The following DLG2 variants were observed in gnomAD, a reference collection of about 807,000 sequenced individuals.
DLG2 encodes disks large homolog 2.
Under a neutral mutation model 132.5 loss-of-function variants are expected in DLG2, and 45 were observed. The ratio of observed to expected loss-of-function variants is 0.34; its 90% CI spans 0.27 to 0.44. DLG2 has a LOEUF of 0.44. Among genes scored for constraint, DLG2 ranks in the 20% least tolerant of loss-of-function variants. The pLI, the probability that DLG2 is intolerant of heterozygous loss-of-function variation, is 1.00. For synonymous variants in DLG2, 424 were observed against 419.6 expected (o/e 1.01, Z -0.13); for missense variants, 1,045 against 1,196.9 (o/e 0.87, Z 1.87).
intron 4 of DLG2, among the ~76,000 whole-genome samples, chr11:85,248,328 G>A (rs1379885573): frequency 6.6e-6 from 1 of 151,924 alleles, no homozygotes; most frequent in Non-Finnish European, 1.5e-5. Flanking sequence ...CTTGTAAAAA[G>A]CATTGAGATC....
chr11:85,421,977 T>C (rs1417081945), intron 3 of DLG2, among the ~76,000 whole-genome samples: 1 of 152,198 alleles, frequency 6.6e-6, no homozygotes, highest in East Asian at 1.9e-4. Flanking sequence ...AATTTTTGGC[T>C]GATTATTGTT....
At chr11:84,011,322 C>T (rs982733370) in intron 11 of DLG2, among the ~76,000 whole-genome samples, 1 of 151,654 alleles carries the variant, frequency 6.6e-6, no homozygotes, top group African/African-American at 2.4e-5. Context: ...AATACAAAAA[C>T]TAGCCAGGTG....
chr11:85,315,944 G>T (rs973644503), intron 3 of DLG2, among the ~76,000 whole-genome samples: 1 of 151,976 alleles, frequency 6.6e-6, no homozygotes, highest in African/African-American at 2.4e-5. Flanking sequence ...CAGGGTGAAA[G>T]GTTCTCCCTC....
At chr11:84,430,331 C>G (rs984380518) in intron 7 of DLG2, among the ~76,000 whole-genome samples, 5 of 151,116 alleles carry the variant, frequency 3.3e-5, no homozygotes, top group African/African-American at 1.2e-4. Context: ...CCCAGCTACT[C>G]AGGAGGCTGA....
intron 16 of DLG2, among the ~76,000 whole-genome samples, chr11:83,848,178 T>C (rs183891541): frequency 6.6e-6 from 1 of 150,728 alleles, no homozygotes; most frequent in East Asian, 1.9e-4. Flanking sequence ...TATCTTACAG[T>C]AAATTAATTG....
intron 10 of DLG2, among the ~76,000 whole-genome samples, chr11:84,089,810 A>G (rs1594999475): frequency 6.6e-6 from 1 of 152,196 alleles, no homozygotes; most frequent in East Asian, 1.9e-4. Context: ...ACTTGTCAGG[A>G]AATTGGCAAG....
chr11:84,525,566 A>G (rs1437527535), intron 7 of DLG2, among the ~76,000 whole-genome samples: 1 of 151,950 alleles, frequency 6.6e-6, no homozygotes, highest in Non-Finnish European at 1.5e-5. Flanking sequence ...TATCTTTTAC[A>G]TTTCACCTGA....
chr11:84,828,623 C>A (rs1407733741), intron 6 of DLG2, among the ~76,000 whole-genome samples: 1 of 151,668 alleles, frequency 6.6e-6, no homozygotes, highest in Non-Finnish European at 1.5e-5. Flanking sequence ...GCCAGTGAAG[C>A]CAAAAGAATT....
chr11:83,792,913 T>C (rs1044774050), intron 17 of DLG2, among the ~76,000 whole-genome samples: 1 of 152,124 alleles, frequency 6.6e-6, no homozygotes, highest in African/African-American at 2.4e-5. Context: ...ACAAATAATA[T>C]ACGATTTTCA....
intron 7 of DLG2, among the ~76,000 whole-genome samples, chr11:84,435,021 G>C (rs116989117): frequency 6.6e-6 from 1 of 150,746 alleles, no homozygotes; most frequent in Non-Finnish European, 1.5e-5. Flanking sequence ...GCTAAAATAT[G>C]ATCTTTCACA....
At chr11:85,212,556 A>T (rs1272680249) in intron 4 of DLG2, among the ~76,000 whole-genome samples, 1 of 152,106 alleles carries the variant, frequency 6.6e-6, no homozygotes, top group Non-Finnish European at 1.5e-5. Context: ...GACCAACAAA[A>T]TCTCTAGTTG....
At chr11:85,479,419 A>C (rs191325836) in intron 3 of DLG2, among the ~76,000 whole-genome samples, 196 of 152,358 alleles carry the variant, frequency 1.3e-3, no homozygotes, top group African/African-American at 4.5e-3. Context: ...TATCACCTCC[A>C]AAAGGCCTCC....
chr11:83,844,509 C>G (rs1471977539), intron 16 of DLG2, among the ~76,000 whole-genome samples: 1 of 117,552 alleles, frequency 8.5e-6, no homozygotes, highest in Admixed American at 1.1e-4. Flanking sequence ...GATCGCATCA[C>G]TGCACTTTAG....
intron 6 of DLG2, among the ~76,000 whole-genome samples, chr11:84,833,531 A>T (rs2079309712): frequency 6.6e-6 from 1 of 151,498 alleles, no homozygotes; most frequent in East Asian, 2.0e-4. Context: ...TCACATTGAC[A>T]TCATCAACTC....
At chr11:85,101,439 A>T (rs2070835526) in intron 6 of DLG2, among the ~76,000 whole-genome samples, 1 of 152,158 alleles carries the variant, frequency 6.6e-6, no homozygotes, top group East Asian at 1.9e-4. Context: ...GTACACTTCA[A>T]TGCCATTTTT....
At chr11:83,562,108 C>T (rs796138345) in intron 19 of DLG2, among the ~76,000 whole-genome samples, 11 of 151,524 alleles carry the variant, frequency 7.3e-5, no homozygotes, top group African/African-American at 2.2e-4. Flanking sequence ...AGGTTGGTGT[C>T]GATCTCTTGA....
At chr11:85,184,478 A>G (rs545450515) in intron 4 of DLG2, among the ~76,000 whole-genome samples, 21 of 151,812 alleles carry the variant, frequency 1.4e-4, no homozygotes, top group African/African-American at 4.6e-4. Context: ...CAGTAATGGC[A>G]GCTTTTGGTG....
intron 6 of DLG2, among the ~76,000 whole-genome samples, chr11:84,734,167 C>T: frequency 6.6e-6 from 1 of 152,096 alleles, no homozygotes; most frequent in African/African-American, 2.4e-5. Context: ...TTTTCCAATT[C>T]TGTGAAGAAA....
At chr11:83,473,207 C>A (rs946089967) in intron 22 of DLG2, among the ~76,000 whole-genome samples, 48 of 152,078 alleles carry the variant, frequency 3.2e-4, no homozygotes, top group African/African-American at 1.1e-3. Context: ...GCACACTGTT[C>A]AAAAGCAAGT....
Sources: allele counts gnomAD v4.1 joint callset (sites outside exome capture counted in the v4.1 genomes callset), GRCh38; gene constraint gnomAD v4.1.1; transcripts MANE v1.5; gene names NCBI Gene and HGNC (gene_info 2026-07-23, HGNC 2026-07-21).